Variants in GABRB2 observed in about 807,000 individuals in gnomAD.
GABRB2 encodes the protein gamma-aminobutyric acid type A receptor subunit beta2.
Under a neutral mutation model 54.7 loss-of-function variants are expected in GABRB2, and 16 were observed. That is an observed-to-expected ratio of 0.29 (90% CI 0.20 to 0.44). The LOEUF (loss-of-function observed/expected upper bound fraction) is 0.44, where lower values mean the gene tolerates loss of function less well. Ranked by LOEUF, GABRB2 falls within the 20% of genes least tolerant of loss-of-function variation. The probability of loss-of-function intolerance (pLI) is 1.00; values close to 1 mark genes in which losing one functional copy is unlikely to be tolerated. For missense variants in GABRB2, 355 were observed against 644.0 expected (o/e 0.55, Z 4.86); for synonymous variants, 244 against 233.8 (o/e 1.04, Z -0.40).
At chr5:161,502,224 G>T (rs1759466461) in intron 3 of GABRB2, among the ~76,000 whole-genome samples, 1 of 151,688 alleles carries the variant, frequency 6.6e-6, no homozygotes, top group South Asian at 2.1e-4. Context: ...AAATAAAGTT[G>T]ATTTGATACA....
chr5:161,340,319 A>C (rs1166554887), intron 5 of GABRB2, among the ~76,000 whole-genome samples: 1 of 152,094 alleles, frequency 6.6e-6, no homozygotes, highest in Admixed American at 6.6e-5. Flanking sequence ...ACATTATTAA[A>C]TTAATAAAAC....
intron 4 of GABRB2, among the ~76,000 whole-genome samples, chr5:161,445,281 G>A (rs547258097): frequency 6.6e-6 from 1 of 152,252 alleles, no homozygotes; most frequent in East Asian, 1.9e-4. Context: ...AAAGTTCAGG[G>A]TAAAGTAGTT....
At chr5:161,365,978 G>A (rs1450247398) in intron 5 of GABRB2, among the ~76,000 whole-genome samples, 3 of 151,416 alleles carry the variant, frequency 2.0e-5, no homozygotes, top group Non-Finnish European at 2.9e-5. Flanking sequence ...ATACTTAGGT[G>A]AGCCTTTCAC....
intron 3 of GABRB2, among the ~76,000 whole-genome samples, chr5:161,541,557 T>C (rs530258322): frequency 8.5e-5 from 13 of 152,370 alleles, no homozygotes; most frequent in Admixed American, 2.0e-4. Flanking sequence ...AGCTTCTCCA[T>C]CAGCATTTGC....
chr5:161,523,736 T>G (rs1760187989), intron 3 of GABRB2, among the ~76,000 whole-genome samples: 1 of 151,592 alleles, frequency 6.6e-6, no homozygotes, highest in Admixed American at 6.6e-5. Flanking sequence ...AGAACTACAC[T>G]TTGAAGAGTT....
chr5:161,292,249 C>G lies in GABRB2; in HGVS notation c.*1832G>C, dbSNP rs969182180. 6.6e-6 allele frequency: 1 copy of G among 152,154 alleles called. No homozygotes were observed. Among genetic ancestry groups the G allele is most frequent in the Non-Finnish European group, 1.5e-5 (1 of 68,026 alleles). 9.4% of individuals were successfully genotyped at this position (152,154 alleles called of 1,614,324 possible). On this transcript the variant is annotated 3_prime_UTR_variant, in exon 10 of 10. Coordinates refer to ENST00000393959, the MANE Select transcript of GABRB2 (RefSeq NM_001371727.1). The stretch of plus-strand genomic sequence containing the variant: ...TGAAGGAAACAAGGAATCAAGAAAA[C>G]ATACATTATTCACAGGTGGATACTG...
intron 5 of GABRB2, among the ~76,000 whole-genome samples, chr5:161,370,652 A>C (rs1755103711): frequency 6.6e-6 from 1 of 152,208 alleles, no homozygotes; most frequent in Admixed American, 6.5e-5. Flanking sequence ...TCTTCCAGCA[A>C]GAGACTGAAA....
intron 4 of GABRB2, among the ~76,000 whole-genome samples, chr5:161,449,475 G>T (rs1757728093): frequency 6.6e-6 from 1 of 152,076 alleles, no homozygotes; most frequent in Non-Finnish European, 1.5e-5. Flanking sequence ...TTTCCCATTT[G>T]CCAAGTAAGC....
intron 5 of GABRB2, among the ~76,000 whole-genome samples, chr5:161,359,009 T>C (rs574956192): frequency 6.6e-6 from 1 of 152,278 alleles, no homozygotes; most frequent in South Asian, 2.1e-4. Flanking sequence ...TAAAATTGCA[T>C]GGAAACAGCT....
intron 3 of GABRB2, among the ~76,000 whole-genome samples, chr5:161,515,681 C>A (rs900110181): frequency 1.3e-5 from 2 of 152,116 alleles, no homozygotes; most frequent in African/African-American, 4.8e-5. Flanking sequence ...GAATTTATCT[C>A]TTTCATGTTA....
chr5:161,477,892 C>T lies in GABRB2; in HGVS notation c.238-18048G>A, dbSNP rs532470683. On this transcript the variant is annotated intron_variant, in intron 3 of 9. Transcript: ENST00000393959. ...AGAGTTCTCAAGATTGATGGCACAA[C>T]TATGTGTATGTAATAACACCACTGT... Among the ~76,000 whole-genome samples, 124 of 152,034 alleles carry T rather than the reference C, an allele frequency of 8.2e-4. 2 individuals are homozygous for T. In the South Asian group the frequency reaches 0.018, roughly 23 times the overall value.
chr5:161,449,577 A>G (rs1163809435), intron 4 of GABRB2, among the ~76,000 whole-genome samples: 3 of 152,214 alleles, frequency 2.0e-5, no homozygotes, highest in Non-Finnish European at 4.4e-5. Flanking sequence ...AAACTTAATC[A>G]TTAAACCAAC....
intron 3 of GABRB2, among the ~76,000 whole-genome samples, chr5:161,521,041 G>T (rs543306240): frequency 1.3e-5 from 2 of 152,062 alleles, no homozygotes; most frequent in East Asian, 3.9e-4. Context: ...ACACTTAATT[G>T]AATGTGTCAA....
chr5:161,423,758 G>C (rs994787442), intron 4 of GABRB2, among the ~76,000 whole-genome samples: 2 of 152,096 alleles, frequency 1.3e-5, no homozygotes, highest in Non-Finnish European at 2.9e-5. Flanking sequence ...GTACTTTAAA[G>C]TAAAAGCTAG....
intron 2 of GABRB2, among the ~76,000 whole-genome samples, chr5:161,545,970 T>A (rs1222538403): frequency 6.6e-6 from 1 of 152,190 alleles, no homozygotes; most frequent in African/African-American, 2.4e-5. Flanking sequence ...CTAAAAAATG[T>A]TAACGGTGGC....
chr5:161,405,790 T>C (rs764472396), intron 5 of GABRB2, among the ~76,000 whole-genome samples: 1 of 152,072 alleles, frequency 6.6e-6, no homozygotes, highest in Non-Finnish European at 1.5e-5. Context: ...CTCCTTGTTA[T>C]AGCAAATTTG....
chr5:161,546,709 T>C lies in GABRB2; in HGVS notation c.-66A>G, dbSNP rs1174994208. On this transcript the variant is annotated 5_prime_UTR_variant, in exon 1 of 10. Transcript: ENST00000393959. Reference sequence around the variant, plus strand: ...AGGAGATCCAACTTAGTCTGCCCAGTGCAGTAATTCTAATGTGAGGCGCAT... The same window carrying C: ...AGGAGATCCAACTTAGTCTGCCCAGCGCAGTAATTCTAATGTGAGGCGCAT... The C allele has an allele frequency of 3.9e-6, 6 of 1,550,440 alleles. No homozygotes were observed. The highest frequency in any genetic ancestry group is 4.4e-6 in the Non-Finnish European group (5 of 1,146,880).
chr5:161,514,628 G>A (rs1041361664), intron 3 of GABRB2, among the ~76,000 whole-genome samples: 5 of 151,888 alleles, frequency 3.3e-5, no homozygotes, highest in African/African-American at 1.2e-4. Context: ...CATATAAGGT[G>A]TACTGCCTCC....
chr5:161,538,545 G>A lies in GABRB2; in HGVS notation c.237+6682C>T, dbSNP rs1176312529. ...TATAAGAATAGTAAACGCCTACCTGGGCGGTGGTGGCTCACGCCTATAATC... is the reference window on the plus strand; with the variant it reads ...TATAAGAATAGTAAACGCCTACCTGAGCGGTGGTGGCTCACGCCTATAATC... On this transcript the variant is annotated intron_variant, in intron 3 of 9. Coordinates refer to ENST00000393959, the MANE Select transcript of GABRB2 (RefSeq NM_001371727.1). Among the ~76,000 whole-genome samples, 3 of 152,152 alleles carry A rather than the reference G, an allele frequency of 2.0e-5. No homozygotes were observed. In the East Asian group the frequency reaches 5.8e-4, roughly 29 times the overall value.
Sources: gnomAD v4.1 joint callset for allele counts (sites outside exome capture counted in the v4.1 genomes callset) on GRCh38, gnomAD v4.1.1 for gene constraint, MANE v1.5 for transcripts, NCBI Gene and HGNC (gene_info 2026-07-23, HGNC 2026-07-21) for gene names.